Variants in SRPK2 observed in about 807,000 individuals in gnomAD.
The protein encoded by SRPK2 is SFRS protein kinase 2.
In SRPK2, 21 loss-of-function variants were observed where a neutral mutation model predicts 90.8. That is an observed-to-expected ratio of 0.23 (90% CI 0.16 to 0.33). The LOEUF (loss-of-function observed/expected upper bound fraction) is 0.33, where lower values mean the gene tolerates loss of function less well. Ranked by LOEUF, SRPK2 falls within the 10% of genes least tolerant of loss-of-function variation. The pLI, the probability that SRPK2 is intolerant of heterozygous loss-of-function variation, is 1.00. For synonymous variants in SRPK2, 288 were observed against 311.1 expected (o/e 0.93, Z 0.78); for missense variants, 620 against 869.0 (o/e 0.71, Z 3.60).
intron 3 of SRPK2, among the ~76,000 whole-genome samples, chr7:105,173,032 A>T (rs893316460): frequency 6.6e-6 from 1 of 152,178 alleles, no homozygotes; most frequent in Admixed American, 6.5e-5. Context: ...CAACAACAAA[A>T]TTACTACTGG....
intron 7 of SRPK2, among the ~76,000 whole-genome samples, chr7:105,159,086 T>C (rs566853582): frequency 2.0e-5 from 3 of 152,220 alleles, no homozygotes; most frequent in South Asian, 2.1e-4. Context: ...TAATACTACA[T>C]AGAAACACCT....
At chr7:105,383,053 A>ATTTTTTT (rs1161926443) in intron 2 of SRPK2, among the ~76,000 whole-genome samples, 2 of 101,662 alleles carry the variant, frequency 2.0e-5, no homozygotes, top group South Asian at 2.9e-4. Context: ...AAAAGTAAAA[A>ATTTTTTT]TTTTTTTTTT....
chr7:105,141,993 G>C lies in SRPK2; in HGVS notation c.1543+15C>G. ...AGTCAGCGATGGCAGACAGTTGATG[G>C]GAAGAAACACTTACCTTTTGGCAAA... On this transcript the variant is annotated intron_variant, in intron 11 of 15. Transcript: ENST00000393651. The C allele has an allele frequency of 6.3e-7, 1 of 1,590,788 alleles. No homozygotes were observed. Among genetic ancestry groups the C allele is most frequent in the African/African-American group, 1.4e-5 (1 of 73,980 alleles).
chr7:105,145,370 T>C, intron 8 of SRPK2, 62 bp from the exon 9 acceptor site: 1 of 1,247,220 alleles, frequency 8.0e-7, no homozygotes. Flanking sequence ...TTCATGTAGG[T>C]CATTCGAATT....
At chr7:105,337,156 TATG>T (rs1815187573) in intron 2 of SRPK2, among the ~76,000 whole-genome samples, 1 of 152,076 alleles carries the variant, frequency 6.6e-6, no homozygotes, top group Non-Finnish European at 1.5e-5. Context: ...GATAATGCAT[TATG>T]ATTATGTAAT....
chr7:105,154,150 T>C (rs1806157513), intron 7 of SRPK2, among the ~76,000 whole-genome samples: 1 of 152,198 alleles, frequency 6.6e-6, no homozygotes, highest in African/African-American at 2.4e-5. Flanking sequence ...CTGGTGAGAA[T>C]TAATGAGAAA....
At chr7:105,386,395 A>G (rs1051681168) in intron 2 of SRPK2, among the ~76,000 whole-genome samples, 1 of 151,678 alleles carries the variant, frequency 6.6e-6, no homozygotes, top group African/African-American at 2.4e-5. Context: ...ATAAATAAAT[A>G]ACATCAAACA....
At chr7:105,305,136 A>G (rs968275075) in intron 2 of SRPK2, among the ~76,000 whole-genome samples, 1 of 152,224 alleles carries the variant, frequency 6.6e-6, no homozygotes, top group African/African-American at 2.4e-5. Context: ...GAGGATGATT[A>G]TTTAACAAAA....
At chr7:105,207,466 G>A (rs961569369) in intron 2 of SRPK2, among the ~76,000 whole-genome samples, 6 of 152,116 alleles carry the variant, frequency 3.9e-5, no homozygotes, top group Non-Finnish European at 7.3e-5. Context: ...CAATCCTAAT[G>A]AAAGCCGTAA....
At chr7:105,192,067 A>ATTTTATTTTTTATTTT (rs1794364960) in intron 3 of SRPK2, among the ~76,000 whole-genome samples, 2 of 115,070 alleles carry the variant, frequency 1.7e-5, no homozygotes. Context: ...TTTTTTTTTT[A>ATTTTATTTTTTATTTT]ATTTCCATAA....
chr7:105,358,148 C>A (rs564242174), intron 2 of SRPK2, among the ~76,000 whole-genome samples: 1 of 138,478 alleles, frequency 7.2e-6, no homozygotes, highest in East Asian at 2.2e-4. Context: ...CGCTTGAACC[C>A]GGGAGGCGAA....
intron 2 of SRPK2, among the ~76,000 whole-genome samples, chr7:105,290,121 T>C (rs1585556799): frequency 6.6e-6 from 1 of 150,868 alleles, no homozygotes; most frequent in East Asian, 1.9e-4. Flanking sequence ...CACAGATCAC[T>C]ATAATCACAG....
At chr7:105,253,679 C>A (rs1418991152) in intron 2 of SRPK2, among the ~76,000 whole-genome samples, 1 of 152,078 alleles carries the variant, frequency 6.6e-6, no homozygotes, top group Non-Finnish European at 1.5e-5. Flanking sequence ...CTGTCCCCCA[C>A]AAAAGTAATT....
chr7:105,152,330 G>A lies in SRPK2; in HGVS notation c.622-5672C>T, dbSNP rs566559352. Among the ~76,000 whole-genome samples the A allele has an allele frequency of 3.3e-5, 5 of 152,016 alleles. No homozygotes were observed. The East Asian group carries it at 9.8e-4, about 30-fold the overall frequency. ...ATGCCCAGCTACTTTTTGTATTTTAGTAGAGACGGGGTTTTCGCCATGTTG... is the reference window on the plus strand; with the variant it reads ...ATGCCCAGCTACTTTTTGTATTTTAATAGAGACGGGGTTTTCGCCATGTTG... On this transcript the variant is annotated intron_variant, in intron 7 of 15. Coordinates refer to ENST00000393651, the MANE Select transcript of SRPK2 (RefSeq NM_182692.3).
At chr7:105,168,859 C>G (rs556630462) in intron 4 of SRPK2, among the ~76,000 whole-genome samples, 25 of 150,608 alleles carry the variant, frequency 1.7e-4, no homozygotes, top group South Asian at 1.1e-3. Context: ...AACGCCTATA[C>G]TATACATTAT....
chr7:105,266,404 A>G (rs1162824569), intron 2 of SRPK2, among the ~76,000 whole-genome samples: 1 of 152,164 alleles, frequency 6.6e-6, no homozygotes, highest in Admixed American at 6.6e-5. Context: ...TTGTATTTAG[A>G]GGTACTTTTC....
intron 2 of SRPK2, among the ~76,000 whole-genome samples, chr7:105,354,498 G>A (rs184515431): frequency 3.3e-5 from 5 of 152,270 alleles, no homozygotes; most frequent in African/African-American, 4.8e-5. Flanking sequence ...TAAGCATTAC[G>A]ATCCAAAGCA....
chr7:105,340,440 A>G (rs1212247144), intron 2 of SRPK2, among the ~76,000 whole-genome samples: 1 of 130,444 alleles, frequency 7.7e-6, no homozygotes, highest in Non-Finnish European at 1.6e-5. Flanking sequence ...TTGCTCTGTC[A>G]CCCAGGCTGC....
At chr7:105,212,512 A>ATCTGG (rs1448715475) in intron 2 of SRPK2, among the ~76,000 whole-genome samples, 1 of 152,198 alleles carries the variant, frequency 6.6e-6, no homozygotes, top group Non-Finnish European at 1.5e-5. Context: ...GCCCAAACTA[A>ATCTGG]TCTGGTATGA....
Sources: allele counts gnomAD v4.1 joint callset (sites outside exome capture counted in the v4.1 genomes callset), GRCh38; gene constraint gnomAD v4.1.1; transcripts MANE v1.5; gene names NCBI Gene and HGNC (gene_info 2026-07-23, HGNC 2026-07-21).